Variants in KHDC4 observed in about 807,000 individuals in gnomAD.
KHDC4 encodes the protein KH domain containing 4, pre-mRNA splicing factor.
KHDC4 carries 19 observed loss-of-function variants against 74.5 expected under a neutral mutation model. That is an observed-to-expected ratio of 0.26 (90% CI 0.18 to 0.37). The LOEUF (loss-of-function observed/expected upper bound fraction) is 0.37. Among genes scored for constraint, KHDC4 ranks in the 10% least tolerant of loss-of-function variants. The pLI, the probability that KHDC4 is intolerant of heterozygous loss-of-function variation, is 1.00. For missense variants in KHDC4, 632 were observed against 754.1 expected (o/e 0.84, Z 1.90); for synonymous variants, 253 against 266.1 (o/e 0.95, Z 0.48).
rs189101337 is a variant in KHDC4, at chr1:155,925,365, G to A, written c.893+267C>T. Among the ~76,000 whole-genome samples the A allele has an allele frequency of 6.4e-3, 964 of 151,686 alleles. 6 individuals are homozygous for A. The highest frequency in any genetic ancestry group is 0.023 in the African/African-American group (943 of 41,352). On this transcript the variant is annotated intron_variant, in intron 7 of 13. Transcript: ENST00000368321. ...AATTTTTTTGGAGAGATGGGGTTTT[G>A]CTATGTTGCCCAGGCTGGCCTCAAA...
Position 155,934,388 on chromosome 1 carries a change from C to G in KHDC4, c.-15G>C. ...CCCGCGGACATGGCGACCGCTTCTACTCAACCACCCGCCAACTATCCGACT... is the reference window on the plus strand; with the variant it reads ...CCCGCGGACATGGCGACCGCTTCTAGTCAACCACCCGCCAACTATCCGACT... On this transcript the variant is annotated 5_prime_UTR_variant, in exon 1 of 14. Transcript: ENST00000368321. The G allele has an allele frequency of 1.2e-6, 2 of 1,611,796 alleles. No individual in the cohort carries two copies.
chr1:155,924,491 G>C (rs1200789220), intron 7 of KHDC4, among the ~76,000 whole-genome samples: 1 of 151,194 alleles, frequency 6.6e-6, no homozygotes, highest in African/African-American at 2.4e-5. Context: ...TACAGGCCAA[G>C]ATTCACTTTT....
intron 10 of KHDC4, among the ~76,000 whole-genome samples, chr1:155,918,709 T>C (rs1270465136): frequency 6.6e-6 from 1 of 152,136 alleles, no homozygotes. Flanking sequence ...CTACTATAAT[T>C]TTACAGGACA....
intron 10 of KHDC4, chr1:155,920,087 A>T (rs1406900547): frequency 2.4e-6 from 1 of 409,392 alleles, no homozygotes; most frequent in Non-Finnish European, 4.9e-6. Flanking sequence ...CAGTATATAT[A>T]ATCCATCCAG....
intron 10 of KHDC4, chr1:155,920,044 G>A (rs201692782): frequency 3.9e-5 from 20 of 509,956 alleles, no homozygotes; most frequent in Non-Finnish European, 7.8e-6. Context: ...CCATTACCAT[G>A]CTCTCATTAA....
chr1:155,921,051 G>C (rs754159980), intron 10 of KHDC4, among the ~76,000 whole-genome samples: 1 of 152,166 alleles, frequency 6.6e-6, no homozygotes, highest in African/African-American at 2.4e-5. Flanking sequence ...TACAACCACC[G>C]AGTGTGATAG....
chr1:155,914,567 GAAA>G, intron 13 of KHDC4: 1 of 359,830 alleles, frequency 2.8e-6, no homozygotes, highest in South Asian at 6.9e-5. Context: ...CACAAAAAAA[GAAA>G]AAAAAAGAAA....
Position 155,926,640 on chromosome 1 carries a change from T to C in KHDC4, c.681+36A>G. Reference sequence around the variant, plus strand: ...CCAGCACATATCATTTTTATAGAAATGATAATGCTATTAACGATCCCTCCC... The same window carrying C: ...CCAGCACATATCATTTTTATAGAAACGATAATGCTATTAACGATCCCTCCC... On this transcript the variant is annotated intron_variant, in intron 6 of 13. Coordinates refer to ENST00000368321, the MANE Select transcript of KHDC4 (RefSeq NM_014949.4). 3 of 1,605,266 alleles carry C rather than the reference T, an allele frequency of 1.9e-6. No homozygotes were observed. In the South Asian group the frequency reaches 3.3e-5, roughly 18 times the overall value.
intron 6 of KHDC4, chr1:155,926,406 T>A: frequency 2.7e-6 from 1 of 374,292 alleles, no homozygotes; most frequent in Middle Eastern, 9.3e-4. Flanking sequence ...CTCAGCTCCC[T>A]GCAACCTCCA....
chr1:155,928,285 A>C (rs1027648439), intron 4 of KHDC4, among the ~76,000 whole-genome samples: 1 of 151,928 alleles, frequency 6.6e-6, no homozygotes, highest in Non-Finnish European at 1.5e-5. Flanking sequence ...GAGGCCAGAG[A>C]ATTGCTTGAA....
Position 155,923,059 on chromosome 1 carries a change from G to C in KHDC4, c.954+568C>G, listed in dbSNP as rs552030612. ...TCTCTACTAAAAATACAAAAAAGTA[G>C]CCGGGCGTAGTGGCGGGCGCCTGTA... is the stretch of plus-strand genomic sequence containing the variant. On this transcript the variant is annotated intron_variant, in intron 8 of 13. Coordinates refer to ENST00000368321, the MANE Select transcript of KHDC4 (RefSeq NM_014949.4). Among the ~76,000 whole-genome samples, 30 of 152,116 alleles carry C rather than the reference G, an allele frequency of 2.0e-4. No individual in the cohort carries two copies. In the East Asian group the frequency reaches 5.4e-3, roughly 27 times the overall value.
At chr1:155,920,907 A>T (rs1673848190) in intron 10 of KHDC4, among the ~76,000 whole-genome samples, 1 of 152,206 alleles carries the variant, frequency 6.6e-6, no homozygotes, top group Non-Finnish European at 1.5e-5. Context: ...TGCAAAGGTA[A>T]GGTTAGGCAA....
rs1572009161 is a variant in KHDC4, at chr1:155,923,542, A to C, written c.954+85T>G. On this transcript the variant is annotated intron_variant, in intron 8 of 13. Transcript: ENST00000368321. ...ATAACTTGTTATAGCAGTACTAGGAAACTAAACAGGTGAAAGAAACAGCTA... is the reference window on the plus strand; with the variant it reads ...ATAACTTGTTATAGCAGTACTAGGACACTAAACAGGTGAAAGAAACAGCTA... 9.0e-6 allele frequency: 9 copies of C among 1,004,302 alleles called. No individual in the cohort carries two copies. In the East Asian group the frequency reaches 2.2e-4, roughly 24 times the overall value. The allele number at this position is 1,004,302 out of a possible 1,614,324, so 62.2% of individuals were successfully genotyped here.
intron 13 of KHDC4, 72 bp from the exon 14 acceptor site, chr1:155,914,392 A>AT: frequency 1.6e-6 from 2 of 1,245,534 alleles, no homozygotes; most frequent in East Asian, 4.9e-5. Context: ...AAATTCGTTA[A>AT]TTAAAAAAAA....
rs751473846 is a variant in KHDC4 at position 155,934,399 on chromosome 1, G to A, written c.-26C>T. 4 of 1,610,116 alleles carry A rather than the reference G, an allele frequency of 2.5e-6. No homozygotes were observed. The highest frequency in any genetic ancestry group is 2.5e-6 in the Non-Finnish European group (3 of 1,178,926). ...GGCGACCGCTTCTACTCAACCACCC[G>A]CCAACTATCCGACTACCACCTCTCG... On this transcript the variant is annotated 5_prime_UTR_variant, in exon 1 of 14. Coordinates refer to ENST00000368321, the MANE Select transcript of KHDC4 (RefSeq NM_014949.4).
intron 10 of KHDC4, among the ~76,000 whole-genome samples, chr1:155,920,819 T>C (rs866921561): frequency 6.6e-6 from 1 of 152,204 alleles, no homozygotes; most frequent in African/African-American, 2.4e-5. Context: ...CTTCTAAGAT[T>C]TGAAATGCTA....
At chr1:155,923,484 T>C (rs1673913896) in intron 8 of KHDC4, 143 bp downstream of exon 8, 1 of 630,666 alleles carries the variant, frequency 1.6e-6, no homozygotes, top group Admixed American at 2.7e-5. Flanking sequence ...TGTGATAGAA[T>C]AAATTTGTGT....
intron 7 of KHDC4, 112 bp from the exon 8 acceptor site, chr1:155,923,799 G>T: frequency 1.3e-6 from 1 of 757,432 alleles, no homozygotes; most frequent in Non-Finnish European, 2.3e-6. Flanking sequence ...ATTCACTGTA[G>T]CTCAAATCTA....
intron 2 of KHDC4, among the ~76,000 whole-genome samples, chr1:155,931,537 T>A (rs1674142295): frequency 6.6e-6 from 1 of 152,202 alleles, no homozygotes; most frequent in African/African-American, 2.4e-5. Context: ...AGTCACTGCC[T>A]GGGCAATCAA....
Sources: allele counts gnomAD v4.1 joint callset (sites outside exome capture counted in the v4.1 genomes callset), GRCh38; gene constraint gnomAD v4.1.1; transcripts MANE v1.5; gene names NCBI Gene and HGNC (gene_info 2026-07-23, HGNC 2026-07-21).